The following CRTC3 variants were observed in gnomAD, a reference collection of about 807,000 sequenced individuals.
CRTC3 encodes CREB-regulated transcription coactivator 3.
A neutral mutation model predicts 74.5 loss-of-function variants in CRTC3; 26 were observed. That is an observed-to-expected ratio of 0.35 (90% CI 0.26 to 0.48). CRTC3 has a LOEUF of 0.48. Ranked by LOEUF, CRTC3 falls within the 20% of genes least tolerant of loss-of-function variation. The pLI is 0.99. For synonymous variants in CRTC3, 377 were observed against 325.8 expected (o/e 1.16, Z -1.69); for missense variants, 760 against 787.3 (o/e 0.97, Z 0.41).
Position 90,614,462 on chromosome 15 carries a change from A to G in CRTC3, c.587A>G (p.Asp196Gly), listed in dbSNP as rs1387714774. The G allele has an allele frequency of 5.0e-6, 8 of 1,609,606 alleles. No homozygotes were observed. The South Asian group carries it at 8.8e-5, about 18-fold the overall frequency. Residue 196 changes from aspartate (D) to glycine (G), a missense_variant, in exon 7 of 15, where the codon GAT becomes GGT. By Grantham distance (94) the Asp-to-Gly change is moderately conservative (BLOSUM62 -1). This residue lies in a region of CRTC3 where 652 missense variants were observed against 635.2 expected (regional missense o/e 1.03). Transcript: ENST00000268184. ...TTTCCTTTCCCGCTAGGTTTCTGTG[A>G]TGGTGAGAATAATGGACATGGGGAA... ...AWPAPYMGFC[D>G]GENNGHGEVA...
rs372982926 is a variant in CRTC3, at chr15:90,629,334, C to T, written c.1068C>T (p.Asn356=). Residue 356 remains asparagine, a synonymous_variant, in exon 11 of 15, where the codon AAC becomes AAT. Coordinates refer to ENST00000268184, the MANE Select transcript of CRTC3 (RefSeq NM_022769.5). ...LNNHPQTSVP[N]ASALHPSLRL... ...ACCACCCACAGACATCTGTTCCCAA[C>T]GCATCTGCTCTTCACCCTTCGCTCC... 808 of 1,614,112 alleles carry T rather than the reference C, an allele frequency of 5.0e-4. 9 individuals carry two copies. In the South Asian group the frequency reaches 7.7e-3, roughly 15 times the overall value.
chr15:90,607,358 C>G lies in CRTC3; in HGVS notation c.477-20C>G. 88 of 1,482,406 alleles carry G rather than the reference C, an allele frequency of 5.9e-5. No homozygotes were observed. Among genetic ancestry groups the G allele is most frequent in the Non-Finnish European group, 7.4e-5 (79 of 1,070,626 alleles). 91.8% of individuals were successfully genotyped at this position (1,482,406 alleles called of 1,614,324 possible). A position where few individuals can be genotyped will look rare whatever the true frequency, so the allele number is the denominator to read the frequency against. On this transcript the variant is annotated intron_variant, in intron 5 of 14. Transcript: ENST00000268184. ...TAAGGAAAACGGATTTTCAGCCAGC[C>G]TCTCTCCTCCCCTCCTTAGGACCAA...
At position 90,643,585 on chromosome 15, in the gene CRTC3, T is replaced by G. The variant is rs74386288; in HGVS notation, c.*1445T>G. 3,917 of 230,124 alleles carry G rather than the reference T, an allele frequency of 0.017. 150 individuals carry two copies. Among genetic ancestry groups the G allele is most frequent in the African/African-American group, 0.08 (3,599 of 45,006 alleles). 14.3% of individuals were successfully genotyped at this position (230,124 alleles called of 1,614,324 possible). ...TTGAGGTTGAAAAAATAGTTTATAGTAAAACGAAGGCCTAATTCATGGAAG... is the reference window on the plus strand; with the variant it reads ...TTGAGGTTGAAAAAATAGTTTATAGGAAAACGAAGGCCTAATTCATGGAAG... On this transcript the variant is annotated 3_prime_UTR_variant, in exon 15 of 15. Coordinates refer to ENST00000268184, the MANE Select transcript of CRTC3 (RefSeq NM_022769.5).
At chr15:90,634,927 G>GAGAT in intron 11 of CRTC3, 2 of 1,577,804 alleles carry the variant, frequency 1.3e-6, no homozygotes, top group Non-Finnish European at 8.6e-7. Flanking sequence ...GTGAAAGTTG[G>GAGAT]AGATAAAGTT....
At chr15:90,631,043 C>G (rs1596143445) in intron 11 of CRTC3, among the ~76,000 whole-genome samples, 1 of 16,390 alleles carries the variant, frequency 6.1e-5, no homozygotes, top group African/African-American at 1.2e-4. Context: ...TCCCAAAGTG[C>G]TGGGATTACA....
At chr15:90,614,622 T>C in intron 7 of CRTC3, 134 bp downstream of exon 7, 1 of 593,618 alleles carries the variant, frequency 1.7e-6, no homozygotes. Flanking sequence ...TTGGCTTACT[T>C]TTCAGAGAGC....
chr15:90,622,372 G>C (rs1022325435), intron 9 of CRTC3, among the ~76,000 whole-genome samples: 1 of 152,158 alleles, frequency 6.6e-6, no homozygotes, highest in African/African-American at 2.4e-5. Context: ...GCTCTGTGCT[G>C]TTGGACGCTT....
intron 2 of CRTC3, among the ~76,000 whole-genome samples, chr15:90,553,282 C>T (rs1265128350): frequency 6.6e-6 from 1 of 152,146 alleles, no homozygotes; most frequent in Admixed American, 6.5e-5. Context: ...GATGTGCTCA[C>T]TGGTTTGCCT....
At chr15:90,581,398 A>G (rs1483551791) in intron 2 of CRTC3, among the ~76,000 whole-genome samples, 5 of 152,140 alleles carry the variant, frequency 3.3e-5, no homozygotes, top group African/African-American at 1.2e-4. Context: ...CTTTCCAGAC[A>G]TGTTTTCTCT....
At chr15:90,620,021 G>C (rs951314831) in intron 9 of CRTC3, 1 of 506,828 alleles carries the variant, frequency 2.0e-6, no homozygotes, top group African/African-American at 2.0e-5. Flanking sequence ...AAGTATGTTT[G>C]AGAATCACAC....
chr15:90,634,322 C>G (rs928167575), intron 11 of CRTC3, among the ~76,000 whole-genome samples: 2 of 152,106 alleles, frequency 1.3e-5, no homozygotes, highest in African/African-American at 4.8e-5. Flanking sequence ...CCATGTTGGC[C>G]AGGCTGGTTT....
intron 11 of CRTC3, chr15:90,634,757 A>T (rs1230903552): frequency 3.8e-5 from 40 of 1,040,922 alleles, no homozygotes; most frequent in Non-Finnish European, 5.8e-5. Flanking sequence ...AGTTTTTTCC[A>T]CTCTCTGACT....
Position 90,641,914 on chromosome 15 carries a change from T to C in CRTC3, c.1652-18T>C, listed in dbSNP as rs1380819174. On this transcript the variant is annotated intron_variant, in intron 14 of 14. Coordinates refer to ENST00000268184, the MANE Select transcript of CRTC3 (RefSeq NM_022769.5). ...GCCTCCTAACCGCACTGTTTTCCCCTCTGGCCACTCCTTTCAGAAGACTCC... is the reference window on the plus strand; with the variant it reads ...GCCTCCTAACCGCACTGTTTTCCCCCCTGGCCACTCCTTTCAGAAGACTCC... 5 of 1,611,626 alleles carry C rather than the reference T, an allele frequency of 3.1e-6. No homozygotes were observed. Among genetic ancestry groups the C allele is most frequent in the African/African-American group, 1.3e-5 (1 of 75,010 alleles).
At chr15:90,632,152 A>G (rs1327290941) in intron 11 of CRTC3, among the ~76,000 whole-genome samples, 1 of 146,580 alleles carries the variant, frequency 6.8e-6, no homozygotes, top group Non-Finnish European at 1.5e-5. Flanking sequence ...CGTGGTTCTT[A>G]TGTTATTGAA....
chr15:90,634,622 G>C (rs575593153), intron 11 of CRTC3: 8 of 484,482 alleles, frequency 1.7e-5, no homozygotes, highest in Non-Finnish European at 2.6e-5. Context: ...TCAGGGCCTG[G>C]TGATCCTCAG....
At chr15:90,550,119 G>T (rs542775654) in intron 2 of CRTC3, among the ~76,000 whole-genome samples, 1 of 150,900 alleles carries the variant, frequency 6.6e-6, no homozygotes, top group Admixed American at 6.6e-5. Context: ...ACTTACATTT[G>T]TAAGTTTGTA....
At chr15:90,538,342 C>T (rs1286184550) in intron 1 of CRTC3, among the ~76,000 whole-genome samples, 2 of 151,918 alleles carry the variant, frequency 1.3e-5, no homozygotes, top group Non-Finnish European at 2.9e-5. Context: ...AACACCATGT[C>T]GTCCTCCTCA....
rs1189083075 is a variant in CRTC3, at chr15:90,607,387, T to C, written c.486T>C (p.Ser162=). 6.2e-7 allele frequency: 1 copy of C among 1,611,078 alleles called. No homozygotes were observed. The highest frequency in any genetic ancestry group is 1.7e-5 in the Admixed American group (1 of 59,714). ...CTCCTCCCCTCCTTAGGACCAATTC[T>C]GATTCTGCTCTTCACACGAGTGCTC... ...RLTSALNRTN[S]DSALHTSALS... is the part of the protein sequence containing the mutation. Residue 162 remains serine, a synonymous_variant, in exon 6 of 15, where the codon TCT becomes TCC. Coordinates refer to ENST00000268184, the MANE Select transcript of CRTC3 (RefSeq NM_022769.5).
rs1382715421 is a variant in CRTC3 at position 90,604,376 on chromosome 15, T to G, written c.414-9T>G. On this transcript the variant is annotated splice_polypyrimidine_tract_variant and intron_variant, in intron 4 of 14. Coordinates refer to ENST00000268184, the MANE Select transcript of CRTC3 (RefSeq NM_022769.5). ...TTCTTTTCCTTTTATGTTGTTCTGG[T>G]TTTTAAAGGCAGCAGCCTCCTTGGA... 1 of 1,612,736 alleles carries G rather than the reference T, an allele frequency of 6.2e-7. No individual in the cohort carries two copies.
Sources: gnomAD v4.1 joint callset for allele counts (sites outside exome capture counted in the v4.1 genomes callset) on GRCh38, gnomAD v4.1.1 for gene constraint, gnomAD v4.1.1 regional missense constraint, MANE v1.5 for transcripts, NCBI Gene and HGNC (gene_info 2026-07-23, HGNC 2026-07-21) for gene names.